The following IL1RAPL1 variants were observed in gnomAD, a reference collection of about 807,000 sequenced individuals.
The protein encoded by IL1RAPL1 is interleukin 1 receptor accessory protein like 1.
A neutral mutation model predicts 48.4 loss-of-function variants in IL1RAPL1; 3 were observed. The observed-to-expected ratio is 0.06, with a 90% CI of 0.03 to 0.16. The LOEUF (loss-of-function observed/expected upper bound fraction) is 0.16, where lower values mean the gene tolerates loss of function less well. Ranked by LOEUF, IL1RAPL1 falls within the 10% of genes least tolerant of loss-of-function variation. IL1RAPL1 has a pLI of 1.00. For synonymous variants in IL1RAPL1, 185 were observed against 187.7 expected (o/e 0.99, Z 0.12); for missense variants, 349 against 530.6 (o/e 0.66, Z 3.36).
chrX:29,776,609 T>A (rs1399252282), intron 6 of IL1RAPL1, among the ~76,000 whole-genome samples: 1 of 111,891 alleles, frequency 8.9e-6, no homozygotes, highest in African/African-American at 3.2e-5. Context: ...TTTTAGCAGC[T>A]TCCTGGAACT....
At chrX:29,003,797 A>G (rs1569217227) in intron 2 of IL1RAPL1, among the ~76,000 whole-genome samples, 1 of 112,378 alleles carries the variant, frequency 8.9e-6, no homozygotes, top group Non-Finnish European at 1.9e-5. Flanking sequence ...GTAAATGGGA[A>G]AAACAAAACT....
intron 2 of IL1RAPL1, among the ~76,000 whole-genome samples, chrX:29,091,869 C>A (rs1928098780): frequency 9.0e-6 from 1 of 110,901 alleles, no homozygotes; most frequent in African/African-American, 3.3e-5. Flanking sequence ...TGAGAAAATA[C>A]AAAACAATAA....
chrX:29,142,983 G>A (rs1929274732), intron 2 of IL1RAPL1, among the ~76,000 whole-genome samples: 2 of 111,018 alleles, frequency 1.8e-5, no homozygotes, highest in Non-Finnish European at 3.8e-5. Context: ...GTGAGCCACC[G>A]CGCCTGGCCA....
At chrX:28,816,758 A>C (rs749582057) in intron 2 of IL1RAPL1, among the ~76,000 whole-genome samples, 3 of 111,047 alleles carry the variant, frequency 2.7e-5, no homozygotes, top group African/African-American at 9.8e-5. Flanking sequence ...GTATATACCC[A>C]GTAATGGAAT....
At chrX:29,378,497 A>G in intron 3 of IL1RAPL1, among the ~76,000 whole-genome samples, 1 of 112,034 alleles carries the variant, frequency 8.9e-6, no homozygotes, top group Non-Finnish European at 1.9e-5. Context: ...CTCTGGGAGG[A>G]CTAGTGTTCT....
intron 9 of IL1RAPL1, among the ~76,000 whole-genome samples, chrX:29,949,703 TTTTG>T (rs1316577358): frequency 8.9e-6 from 1 of 112,192 alleles, no homozygotes; most frequent in Non-Finnish European, 1.9e-5. Context: ...ATTAGCATAA[TTTTG>T]TTTTTCATGG....
intron 2 of IL1RAPL1, among the ~76,000 whole-genome samples, chrX:29,125,815 T>C (rs1374739303): frequency 2.8e-5 from 3 of 108,444 alleles, no homozygotes; most frequent in Non-Finnish European, 3.8e-5. Context: ...AAGTACCCAG[T>C]AAGAAAGACC....
chrX:29,582,607 T>C (rs1331146224), intron 5 of IL1RAPL1, among the ~76,000 whole-genome samples: 11 of 72,442 alleles, frequency 1.5e-4, no homozygotes, highest in African/African-American at 5.9e-4. Flanking sequence ...TGTGATCTCA[T>C]TGTTCAATTC....
chrX:29,102,428 A>T (rs2147464588), intron 2 of IL1RAPL1, among the ~76,000 whole-genome samples: 1 of 112,077 alleles, frequency 8.9e-6, no homozygotes, highest in African/African-American at 3.2e-5. Context: ...CCACTTTGGG[A>T]GGCTGAGGCG....
intron 6 of IL1RAPL1, among the ~76,000 whole-genome samples, chrX:29,803,245 A>G (rs1161573023): frequency 5.7e-5 from 2 of 35,326 alleles, no homozygotes; most frequent in Admixed American, 5.0e-4. Flanking sequence ...GTATATATGT[A>G]TACATATACA....
intron 1 of IL1RAPL1, among the ~76,000 whole-genome samples, chrX:28,729,242 A>G (rs1207589717): frequency 8.9e-6 from 1 of 111,862 alleles, no homozygotes; most frequent in Non-Finnish European, 1.9e-5. Flanking sequence ...GTTTGATTCC[A>G]GTATTCTTAT....
intron 2 of IL1RAPL1, among the ~76,000 whole-genome samples, chrX:29,056,886 T>C (rs181783054): frequency 1.2e-4 from 14 of 112,348 alleles, no homozygotes; most frequent in Admixed American, 1.2e-3. Context: ...GCAGAAACTT[T>C]TGGTTTTTAG....
intron 2 of IL1RAPL1, among the ~76,000 whole-genome samples, chrX:29,265,561 GCTGCACCCATTAA>G (rs1485533835): frequency 9.6e-6 from 1 of 104,011 alleles, no homozygotes; most frequent in Non-Finnish European, 2.0e-5. Flanking sequence ...ATGCTGGTGT[GCTGCACCCATTAA>G]CTTGTCATTT....
chrX:29,336,853 G>T (rs762167859), intron 3 of IL1RAPL1, among the ~76,000 whole-genome samples: 1 of 111,661 alleles, frequency 9.0e-6, no homozygotes, highest in Non-Finnish European at 1.9e-5. Context: ...TTTCAGGGGA[G>T]AACAGAGAAG....
intron 2 of IL1RAPL1, among the ~76,000 whole-genome samples, chrX:28,812,020 T>C (rs7878452): frequency 0.023 from 2,510 of 110,670 alleles, 60 homozygotes; most frequent in African/African-American, 0.077. Flanking sequence ...TAAAGAAAGG[T>C]CACAGCCATG....
intron 5 of IL1RAPL1, among the ~76,000 whole-genome samples, chrX:29,406,275 G>A (rs1934067761): frequency 1.8e-5 from 2 of 110,030 alleles, no homozygotes; most frequent in African/African-American, 3.3e-5. Flanking sequence ...TGTAGTCCCA[G>A]CTACTCGGGA....
intron 5 of IL1RAPL1, among the ~76,000 whole-genome samples, chrX:29,567,506 A>G (rs747985032): frequency 4.0e-4 from 45 of 112,091 alleles, no homozygotes; most frequent in East Asian, 1.7e-3. Flanking sequence ...AAAGAAGTTA[A>G]AACTTCTATA....
chrX:29,803,258 C>A (rs186906590), intron 6 of IL1RAPL1, among the ~76,000 whole-genome samples: 1 of 29,832 alleles, frequency 3.4e-5, no homozygotes, highest in South Asian at 1.1e-3. Flanking sequence ...CATATACACA[C>A]ATGTATATAT....
intron 2 of IL1RAPL1, among the ~76,000 whole-genome samples, chrX:29,107,709 TACTC>T (rs928231865): frequency 6.2e-5 from 7 of 112,172 alleles, no homozygotes; most frequent in African/African-American, 1.9e-4. Context: ...ATATCAGACT[TACTC>T]AAGAGACTTT....
Sources: allele counts gnomAD v4.1 joint callset (sites outside exome capture counted in the v4.1 genomes callset), GRCh38; gene constraint gnomAD v4.1.1; transcripts MANE v1.5; gene names NCBI Gene and HGNC (gene_info 2026-07-23, HGNC 2026-07-21).